The following GDA variants were observed in gnomAD, a reference collection of about 807,000 sequenced individuals.
GDA encodes guanine deaminase, also known as cytoplasmic PSD-95 interactor.
Under a neutral mutation model 59.6 loss-of-function variants are expected in GDA, and 18 were observed. The observed-to-expected ratio is 0.30, with a 90% CI of 0.21 to 0.45. GDA has a LOEUF of 0.45. Ranked by LOEUF, GDA falls within the 20% of genes least tolerant of loss-of-function variation. GDA has a pLI of 1.00. For synonymous variants in GDA, 201 were observed against 201.1 expected (o/e 1.00, Z 0.00); for missense variants, 427 against 552.3 (o/e 0.77, Z 2.27).
intron 10 of GDA, among the ~76,000 whole-genome samples, chr9:72,231,911 A>G (rs1312661055): frequency 1.3e-5 from 2 of 152,230 alleles, no homozygotes; most frequent in Non-Finnish European, 2.9e-5. Flanking sequence ...CTTTTAAGCA[A>G]CGTTTAGCCA....
intron 2 of GDA, among the ~76,000 whole-genome samples, chr9:72,197,772 C>T (rs10781083): frequency 0.26 from 39,190 of 152,006 alleles, 5,547 homozygotes; most frequent in East Asian, 0.56. Context: ...AAGTTATGTG[C>T]GGTTGAATTT....
chr9:72,142,591 C>T (rs747390447), intron 1 of GDA, among the ~76,000 whole-genome samples: 28 of 151,148 alleles, frequency 1.9e-4, no homozygotes, highest in East Asian at 1.8e-3. Context: ...AAAAGAAGTA[C>T]GGAACCAGTG....
intron 11 of GDA, among the ~76,000 whole-genome samples, chr9:72,241,878 A>C (rs976902525): frequency 7.9e-5 from 12 of 152,176 alleles, no homozygotes; most frequent in Admixed American, 5.2e-4. Flanking sequence ...TGGGCAACAG[A>C]GTGAGACCTT....
chr9:72,129,193 C>T (rs897479709), intron 1 of GDA, among the ~76,000 whole-genome samples: 1 of 152,132 alleles, frequency 6.6e-6, no homozygotes, highest in Non-Finnish European at 1.5e-5. Context: ...GAAATCCTGA[C>T]CTCAGGTTAT....
chr9:72,217,830 T>C (rs1030725275), intron 5 of GDA, among the ~76,000 whole-genome samples: 1 of 152,220 alleles, frequency 6.6e-6, no homozygotes, highest in Non-Finnish European at 1.5e-5. Flanking sequence ...TAAATACTTT[T>C]CTTATATTTT....
chr9:72,124,251 C>T (rs1168866753), intron 1 of GDA, among the ~76,000 whole-genome samples: 1 of 152,184 alleles, frequency 6.6e-6, no homozygotes. Flanking sequence ...ACAGCAGTAT[C>T]AAAGAAAGCA....
intron 1 of GDA, among the ~76,000 whole-genome samples, chr9:72,189,859 A>G (rs1236641396): frequency 6.6e-6 from 1 of 152,216 alleles, no homozygotes; most frequent in African/African-American, 2.4e-5. Context: ...AACAAAAAAA[A>G]GAAATGAATA....
chr9:72,115,972 G>A (rs1044702699), intron 1 of GDA, among the ~76,000 whole-genome samples: 4 of 152,138 alleles, frequency 2.6e-5, no homozygotes, highest in Admixed American at 1.3e-4. Flanking sequence ...GGTGGCTCAC[G>A]CCTGTAATCC....
intron 1 of GDA, among the ~76,000 whole-genome samples, chr9:72,167,259 A>C (rs1829427524): frequency 1.3e-5 from 2 of 152,062 alleles, no homozygotes; most frequent in African/African-American, 4.8e-5. Context: ...ACCCCTCTGG[A>C]GTTCCTGTTT....
At chr9:72,231,314 C>A (rs556682201) in intron 10 of GDA, 133 bp downstream of exon 10, 3 of 577,702 alleles carry the variant, frequency 5.2e-6, no homozygotes, top group Non-Finnish European at 9.6e-6. Flanking sequence ...CGGTAGCTCA[C>A]GTCTGTAATC....
chr9:72,166,315 A>G (rs1829302308), intron 1 of GDA, among the ~76,000 whole-genome samples: 1 of 150,644 alleles, frequency 6.6e-6, no homozygotes, highest in Non-Finnish European at 1.5e-5. Flanking sequence ...ATGATTTAAC[A>G]GTTACGCCAG....
intron 1 of GDA, among the ~76,000 whole-genome samples, chr9:72,165,872 T>C (rs939692106): frequency 2.0e-5 from 3 of 148,898 alleles, no homozygotes; most frequent in Non-Finnish European, 4.5e-5. Context: ...CACTCCAGCC[T>C]GGGTGACAGA....
intron 1 of GDA, among the ~76,000 whole-genome samples, chr9:72,123,209 A>T (rs1587294733): frequency 7.8e-6 from 1 of 129,002 alleles, no homozygotes. Flanking sequence ...TTTGAGACCG[A>T]GTCTTGCTCT....
At chr9:72,222,945 T>C (rs905142848) in intron 6 of GDA, among the ~76,000 whole-genome samples, 175 bp from the exon 7 acceptor site, 19 of 152,162 alleles carry the variant, frequency 1.2e-4, no homozygotes, top group African/African-American at 4.1e-4. Context: ...GGCCCTCAGG[T>C]GATCCACCTG....
chr9:72,176,268 A>G (rs1302949694), intron 1 of GDA, among the ~76,000 whole-genome samples: 2 of 152,162 alleles, frequency 1.3e-5, no homozygotes, highest in East Asian at 1.9e-4. Context: ...TTACCCTATG[A>G]CTAGAAAGCT....
In GDA at chr9:72,213,918, G is replaced by C. The variant is rs201577497; in HGVS notation, c.505G>C (p.Val169Leu). The change falls in exon 5 of 14, where the codon GTT (valine) becomes CTT (leucine). Residue 169 changes from valine (V) to leucine (L), a missense_variant. Transcript: ENST00000358399. ...KFGQRAFVGK[V>L]CMDLNDTFPE... ...TGGACAGCGGGCATTTGTGGGCAAA[G>C]TTTGCATGGATTTGAATGACACTTT... is the stretch of plus-strand genomic sequence containing the variant. 1.8e-4 allele frequency: 288 copies of C among 1,611,420 alleles called. 1 individual carries two copies. Among genetic ancestry groups the C allele is most frequent in the Admixed American group, 3.8e-4 (23 of 59,990 alleles).
downstream of GDA, among the ~76,000 whole-genome samples, chr9:72,258,111 G>A (rs554791742): frequency 6.6e-6 from 1 of 152,052 alleles, no homozygotes; most frequent in East Asian, 1.9e-4. Context: ...AGGAGTTTGA[G>A]ACCAGCCTGG....
In GDA at chr9:72,251,094, G is replaced by A. The variant is rs1840632303; in HGVS notation, c.*2752G>A. ...AGATATTGGAACAGGCTCCCTTCAT[G>A]CCAAGGGTCTTTCTAAGTTAATACT... On this transcript the variant is annotated 3_prime_UTR_variant, in exon 14 of 14. Coordinates refer to ENST00000358399, the MANE Select transcript of GDA (RefSeq NM_004293.5). 1 of 405,562 alleles carries A rather than the reference G, an allele frequency of 2.5e-6. No individual in the cohort carries two copies. The highest frequency in any genetic ancestry group is 4.8e-5 in the East Asian group (1 of 20,736). The allele number at this position is 405,562 out of a possible 1,614,324, so 25.1% of individuals were successfully genotyped here. A position where few individuals can be genotyped will look rare whatever the true frequency, so the allele number is the denominator to read the frequency against.
chr9:72,183,701 G>A (rs11143154), intron 1 of GDA, among the ~76,000 whole-genome samples: 1 of 152,194 alleles, frequency 6.6e-6, no homozygotes, highest in South Asian at 2.1e-4. Context: ...GCTAGTAATA[G>A]TGCCTCATAG....
Sources: gnomAD v4.1 joint callset for allele counts (sites outside exome capture counted in the v4.1 genomes callset) on GRCh38, gnomAD v4.1.1 for gene constraint, MANE v1.5 for transcripts, NCBI Gene and HGNC (gene_info 2026-07-23, HGNC 2026-07-21) for gene names.